Variants in SLC15A2 observed in about 807,000 individuals in gnomAD.
SLC15A2 encodes kidney H(+)/peptide cotransporter.
SLC15A2 carries 77 observed loss-of-function variants against 95.5 expected under a neutral mutation model. That is an observed-to-expected ratio of 0.81 (90% CI 0.67 to 0.97). The LOEUF (loss-of-function observed/expected upper bound fraction) is 0.97. Ranked by LOEUF, SLC15A2 falls within the 50% of genes least tolerant of loss-of-function variation. The pLI is 0.00. For synonymous variants in SLC15A2, 306 were observed against 306.9 expected, an observed-to-expected ratio of 1.00 and a Z score of 0.03; for missense variants, 893 against 874.4, an observed-to-expected ratio of 1.02 and a Z score of -0.27.
chr3:121,935,934 G>A (rs1288475558), intron 19 of SLC15A2, among the ~76,000 whole-genome samples: 5 of 152,026 alleles, frequency 3.3e-5, no homozygotes, highest in African/African-American at 4.8e-5. Flanking sequence ...ACACTGCTTT[G>A]AATGTGTCCC....
rs1180126117 is a variant in SLC15A2 at position 121,941,291 on chromosome 3, A to G, written c.*284A>G. The G allele has an allele frequency of 3.9e-6, 1 of 259,158 alleles. No homozygotes were observed. Among genetic ancestry groups the G allele is most frequent in the Non-Finnish European group, 7.2e-6 (1 of 138,174 alleles). The allele number at this position is 259,158 out of a possible 1,614,324, so 16.1% of individuals were successfully genotyped here. A position where few individuals can be genotyped will look rare whatever the true frequency, so the allele number is the denominator to read the frequency against. On this transcript the variant is annotated 3_prime_UTR_variant, in exon 22 of 22. Transcript: ENST00000489711. ...CCATGAAAATACACACGTATAATGG[A>G]GATCATTCTCTGTGGGTATGCAAAG...
intron 7 of SLC15A2, among the ~76,000 whole-genome samples, chr3:121,919,845 A>G (rs991769320): frequency 6.6e-6 from 1 of 152,232 alleles, no homozygotes; most frequent in East Asian, 1.9e-4. Flanking sequence ...AAAGAGGTTG[A>G]AGATACAAGA....
chr3:121,906,510 C>T (rs917306779), intron 3 of SLC15A2, among the ~76,000 whole-genome samples: 1 of 152,166 alleles, frequency 6.6e-6, no homozygotes, highest in African/African-American at 2.4e-5. Context: ...CTGTTCCTTT[C>T]CATGTTTAGC....
At position 121,940,869 on chromosome 3, in the gene SLC15A2, G is replaced by T; in HGVS notation, c.2052G>T (p.Val684=). The stretch of plus-strand genomic sequence containing the variant: ...TTTTGTTTTCCTGCCTCCTGCTGGT[G>T]ATCTGCCTGATCTTCTCCATCATGG... ...EFILFSCLLL[V]ICLIFSIMGY... The change falls in exon 22 of 22, where the codon GTG becomes GTT. Residue 684 remains valine (V), a synonymous_variant. Coordinates refer to ENST00000489711, the MANE Select transcript of SLC15A2 (RefSeq NM_021082.4). 1.9e-6 allele frequency: 3 copies of T among 1,613,672 alleles called. No homozygotes were observed. The highest frequency in any genetic ancestry group is 2.5e-6 in the Non-Finnish European group (3 of 1,179,902).
chr3:121,897,390 G>A lies in SLC15A2; in HGVS notation c.196G>A (p.Val66Met), dbSNP rs750192126. 1.2e-6 allele frequency: 2 copies of A among 1,613,732 alleles called. No homozygotes were observed. The highest frequency in any genetic ancestry group is 1.7e-6 in the Non-Finnish European group (2 of 1,179,842). The change falls in exon 3 of 22, where the codon GTG becomes ATG. Residue 66 changes from valine (V) to methionine (M), a missense_variant and splice_region_variant. Coordinates refer to ENST00000489711, the MANE Select transcript of SLC15A2 (RefSeq NM_021082.4). ...CCTCCTTTTTTTTCCCACTACAGCT[G>A]TGCTGATCCTGTATTTCCTGTATTT... ...ERFSYYGMKA[V>M]LILYFLYFLH...
chr3:121,940,368 C>G lies in SLC15A2; in HGVS notation c.1909-16C>G. ...TGAAGGGGGTTTGTTTACTTTCAAACTTGTGTCATCCCCAGGCTCCCTCTA... is the reference window on the plus strand; with the variant it reads ...TGAAGGGGGTTTGTTTACTTTCAAAGTTGTGTCATCCCCAGGCTCCCTCTA... On this transcript the variant is annotated splice_polypyrimidine_tract_variant and intron_variant, in intron 20 of 21. Transcript: ENST00000489711. 6.2e-7 allele frequency: 1 copy of G among 1,608,242 alleles called. No individual in the cohort carries two copies. Among genetic ancestry groups the G allele is most frequent in the Non-Finnish European group, 8.5e-7 (1 of 1,174,920 alleles).
At chr3:121,929,881 G>C (rs1469132710) in intron 17 of SLC15A2, among the ~76,000 whole-genome samples, 1 of 152,208 alleles carries the variant, frequency 6.6e-6, no homozygotes, top group Non-Finnish European at 1.5e-5. Context: ...TGTGTTCTCT[G>C]TGGCTGGTAT....
intron 19 of SLC15A2, among the ~76,000 whole-genome samples, chr3:121,937,917 T>C (rs1240261390): frequency 6.6e-6 from 1 of 151,712 alleles, no homozygotes; most frequent in Non-Finnish European, 1.5e-5. Context: ...TGGTCTTTGA[T>C]GATGGTGATG....
chr3:121,924,289 G>A lies in SLC15A2; in HGVS notation c.1003-62G>A, dbSNP rs529491883. On this transcript the variant is annotated intron_variant, in intron 11 of 21. Coordinates refer to ENST00000489711, the MANE Select transcript of SLC15A2 (RefSeq NM_021082.4). The stretch of plus-strand genomic sequence containing the variant: ...GCTAACTAGCAAAATTATTGATCTA[G>A]GCCAACATTTTTTTTTCTTTTCTTC... 8.5e-6 allele frequency: 12 copies of A among 1,409,626 alleles called. No homozygotes were observed. The African/African-American group carries it at 1.8e-4, about 21-fold the overall frequency. The allele number at this position is 1,409,626 out of a possible 1,614,324, so 87.3% of individuals were successfully genotyped here.
chr3:121,934,557 C>G (rs1426196792), intron 19 of SLC15A2, among the ~76,000 whole-genome samples: 220 of 150,446 alleles, frequency 1.5e-3, no homozygotes, highest in African/African-American at 4.8e-3. Context: ...TGATTTGGCT[C>G]TCTGTTTGTC....
chr3:121,911,355 C>T (rs1709762679), intron 3 of SLC15A2, among the ~76,000 whole-genome samples: 1 of 152,146 alleles, frequency 6.6e-6, no homozygotes, highest in Non-Finnish European at 1.5e-5. Context: ...TGTCTATTAC[C>T]TCTAACACTA....
intron 7 of SLC15A2, among the ~76,000 whole-genome samples, chr3:121,917,214 G>A (rs1709913703): frequency 1.3e-5 from 2 of 152,278 alleles, no homozygotes; most frequent in South Asian, 4.1e-4. Context: ...GATCACATTG[G>A]TGAATTAGAT....
Position 121,896,536 on chromosome 3 carries a change from C to T in SLC15A2, c.193+43C>T, listed in dbSNP as rs755173194. 62 of 1,433,386 alleles carry T rather than the reference C, an allele frequency of 4.3e-5. 1 individual carries two copies. In the South Asian group the frequency reaches 4.8e-4, roughly 11 times the overall value. The allele number at this position is 1,433,386 out of a possible 1,614,324, so 88.8% of individuals were successfully genotyped here. A position where few individuals can be genotyped will look rare whatever the true frequency, so the allele number is the denominator to read the frequency against. ...AGTCCTACCTACTCTCCTCCACCCA[C>T]CCTCACCCCATGTTTGTGACAGCCT... On this transcript the variant is annotated intron_variant, in intron 2 of 21. Coordinates refer to ENST00000489711, the MANE Select transcript of SLC15A2 (RefSeq NM_021082.4).
chr3:121,910,947 G>T (rs1576675451), intron 3 of SLC15A2, among the ~76,000 whole-genome samples: 1 of 152,116 alleles, frequency 6.6e-6, no homozygotes, highest in East Asian at 1.9e-4. Context: ...TAAGTCCCTG[G>T]CTCCTTTCTT....
chr3:121,938,630 C>G (rs766385712), intron 19 of SLC15A2, among the ~76,000 whole-genome samples: 3 of 152,248 alleles, frequency 2.0e-5, no homozygotes, highest in Admixed American at 2.0e-4. Flanking sequence ...GGCTCGCACA[C>G]GGTGTGCTGC....
chr3:121,898,235 TGA>T (rs1709458355), intron 3 of SLC15A2, among the ~76,000 whole-genome samples: 1 of 152,166 alleles, frequency 6.6e-6, no homozygotes, highest in Non-Finnish European at 1.5e-5. Flanking sequence ...TTCTCCAGAT[TGA>T]GTTATCCCAC....
chr3:121,922,274 T>C lies in SLC15A2; in HGVS notation c.752T>C (p.Ile251Thr), dbSNP rs141330092. 29 of 1,613,814 alleles carry C rather than the reference T, an allele frequency of 1.8e-5. No individual in the cohort carries two copies. Among genetic ancestry groups the C allele is most frequent in the African/African-American group, 4.0e-5 (3 of 74,938 alleles). ...IYNKPPPEGN[I>T]VAQVFKCIWF... ...AATAAACCACCCCCTGAAGGAAACA[T>C]AGTGGCTCAAGTTTTCAAATGTATC... Residue 251 changes from isoleucine (I) to threonine (T), a missense_variant, in exon 8 of 22, where the codon ATA (isoleucine) becomes ACA (threonine). Coordinates refer to ENST00000489711, the MANE Select transcript of SLC15A2 (RefSeq NM_021082.4).
rs1357828070 is a variant in SLC15A2, at chr3:121,924,974, C to T, written c.1065C>T (p.Phe355=). 1 of 1,613,062 alleles carries T rather than the reference C, an allele frequency of 6.2e-7. No homozygotes were observed. The highest frequency in any genetic ancestry group is 2.2e-5 in the East Asian group (1 of 44,858). ...QVLNPLLVLI[F]IPLFDFVIYR... The stretch of plus-strand genomic sequence containing the variant: ...TAAATCCCCTTCTGGTTCTTATCTT[C>T]ATCCCGTTGTTTGACTTTGTCATTT... The change falls in exon 13 of 22, where the codon TTC becomes TTT. Residue 355 remains phenylalanine, a synonymous_variant. Coordinates refer to ENST00000489711, the MANE Select transcript of SLC15A2 (RefSeq NM_021082.4).
chr3:121,931,627 A>T lies in SLC15A2; in HGVS notation c.1665-12A>T. On this transcript the variant is annotated splice_polypyrimidine_tract_variant and intron_variant, in intron 18 of 21. Coordinates refer to ENST00000489711, the MANE Select transcript of SLC15A2 (RefSeq NM_021082.4). ...TTGATATTTATTCTAACCTAAATTC[A>T]TCCTGTTCCAGATACCCTGCAGTGC... The T allele has an allele frequency of 6.3e-7, 1 of 1,576,764 alleles. No individual in the cohort carries two copies. Among genetic ancestry groups the T allele is most frequent in the South Asian group, 1.1e-5 (1 of 90,258 alleles).
Sources: allele counts gnomAD v4.1 joint callset (sites outside exome capture counted in the v4.1 genomes callset), GRCh38; gene constraint gnomAD v4.1.1; transcripts MANE v1.5; gene names NCBI Gene and HGNC (gene_info 2026-07-23, HGNC 2026-07-21).